The following WHRN variants were observed in gnomAD, a reference collection of about 807,000 sequenced individuals.
WHRN encodes the protein CASK-interacting protein CIP98.
Under a neutral mutation model 68.3 loss-of-function variants are expected in WHRN, and 41 were observed. The observed-to-expected ratio is 0.60, with a 90% CI of 0.47 to 0.78. The LOEUF (loss-of-function observed/expected upper bound fraction) is 0.78. Ranked by LOEUF, WHRN falls within the 30% of genes least tolerant of loss-of-function variation. WHRN has a pLI of 0.00. For missense variants in WHRN, 1,243 were observed against 1,244.7 expected (o/e 1.00, Z 0.02); for synonymous variants, 560 against 561.3 (o/e 1.00, Z 0.03).
chr9:114,447,160 C>G (rs901260701), intron 3 of WHRN, among the ~76,000 whole-genome samples: 1 of 152,134 alleles, frequency 6.6e-6, no homozygotes, highest in Non-Finnish European at 1.5e-5. Flanking sequence ...AACCTGCTAA[C>G]CAAGAGAAGT....
intron 1 of WHRN, among the ~76,000 whole-genome samples, chr9:114,492,700 T>A (rs1045520836): frequency 1.3e-5 from 2 of 152,148 alleles, no homozygotes; most frequent in Non-Finnish European, 2.9e-5. Flanking sequence ...AAAAATTAAG[T>A]CCAGGCTCAG....
chr9:114,415,619 CT>C (rs1353725166), intron 7 of WHRN, among the ~76,000 whole-genome samples: 1 of 152,210 alleles, frequency 6.6e-6, no homozygotes, highest in Non-Finnish European at 1.5e-5. Context: ...CTTCAGCCCG[CT>C]TTATCAGAGT....
chr9:114,434,376 C>T (rs1311910155), intron 3 of WHRN, among the ~76,000 whole-genome samples: 2 of 152,192 alleles, frequency 1.3e-5, no homozygotes, highest in African/African-American at 2.4e-5. Context: ...TATAACTAGG[C>T]TGTCCAACAA....
chr9:114,404,285 A>G (rs1342950378), intron 9 of WHRN, among the ~76,000 whole-genome samples: 1 of 152,160 alleles, frequency 6.6e-6, no homozygotes, highest in Non-Finnish European at 1.5e-5. Flanking sequence ...TTTCAACCAG[A>G]CCTGGTCTTG....
chr9:114,443,758 A>G (rs1186522993), intron 3 of WHRN, among the ~76,000 whole-genome samples: 1 of 152,230 alleles, frequency 6.6e-6, no homozygotes. Flanking sequence ...AGCCAAACAG[A>G]ACAGAATACC....
Position 114,496,506 on chromosome 9 carries a change from C to T in WHRN, c.618+7678G>A, listed in dbSNP as rs113327306. On this transcript the variant is annotated intron_variant, in intron 1 of 11. Coordinates refer to ENST00000362057, the MANE Select transcript of WHRN (RefSeq NM_015404.4). ...TGGGCCCTGAGTCCAGTATTTTCTT[C>T]CAATGCCACCTAAAAAAATCCAACC... Among the ~76,000 whole-genome samples, 32 of 152,244 alleles carry T rather than the reference C, an allele frequency of 2.1e-4. 1 individual carries two copies. The highest frequency in any genetic ancestry group is 7.2e-4 in the African/African-American group (30 of 41,538).
intron 1 of WHRN, among the ~76,000 whole-genome samples, chr9:114,501,317 T>C (rs1843900941): frequency 6.6e-6 from 1 of 152,208 alleles, no homozygotes; most frequent in South Asian, 2.1e-4. Flanking sequence ...TTACCTTATC[T>C]GGACCTGTCA....
chr9:114,414,126 T>C (rs999751386), intron 7 of WHRN, among the ~76,000 whole-genome samples: 23 of 152,200 alleles, frequency 1.5e-4, no homozygotes, highest in Non-Finnish European at 2.6e-4. Flanking sequence ...TTTCCTTTCA[T>C]TGCTAACAGA....
intron 2 of WHRN, among the ~76,000 whole-genome samples, chr9:114,474,186 A>G (rs998624461): frequency 6.6e-6 from 1 of 152,162 alleles, no homozygotes; most frequent in Non-Finnish European, 1.5e-5. Context: ...ACCTTCCCCC[A>G]AGGTTCATTT....
At chr9:114,447,217 C>G (rs1011140449) in intron 3 of WHRN, among the ~76,000 whole-genome samples, 1 of 152,176 alleles carries the variant, frequency 6.6e-6, no homozygotes, top group Non-Finnish European at 1.5e-5. Context: ...CAGCCCCCCT[C>G]ACCTGGACTG....
At chr9:114,410,169 C>G (rs965242795) in intron 7 of WHRN, among the ~76,000 whole-genome samples, 2 of 152,194 alleles carry the variant, frequency 1.3e-5, no homozygotes, top group African/African-American at 4.8e-5. Flanking sequence ...GCCCCACCCC[C>G]ATCCCTGTCT....
intron 3 of WHRN, among the ~76,000 whole-genome samples, chr9:114,442,250 A>T (rs1213568350): frequency 6.6e-6 from 1 of 152,206 alleles, no homozygotes; most frequent in Non-Finnish European, 1.5e-5. Flanking sequence ...ACAAGAGGAC[A>T]TTATTGGGAC....
chr9:114,404,133 C>T, intron 9 of WHRN, 56 bp from the exon 10 acceptor site: 1 of 1,564,412 alleles, frequency 6.4e-7, no homozygotes, highest in African/African-American at 1.3e-5. Context: ...TCAGGGAGGG[C>T]TGCCTGGAGG....
At chr9:114,454,134 T>C (rs1398113608) in intron 3 of WHRN, among the ~76,000 whole-genome samples, 1 of 152,244 alleles carries the variant, frequency 6.6e-6, no homozygotes, top group East Asian at 1.9e-4. Flanking sequence ...TGATGAAGAG[T>C]ATCCACAGAA....
intron 1 of WHRN, among the ~76,000 whole-genome samples, chr9:114,492,103 G>C (rs1843030403): frequency 6.6e-6 from 1 of 151,870 alleles, no homozygotes; most frequent in African/African-American, 2.4e-5. Flanking sequence ...GATAAAAATG[G>C]AAAAGAAATA....
intron 3 of WHRN, among the ~76,000 whole-genome samples, chr9:114,430,394 A>C (rs1317382089): frequency 6.6e-6 from 1 of 152,200 alleles, no homozygotes; most frequent in Non-Finnish European, 1.5e-5. Flanking sequence ...GTTTATCTGC[A>C]CTCAAATTTA....
At chr9:114,477,920 T>TA (rs1449481495) in intron 2 of WHRN, among the ~76,000 whole-genome samples, 4 of 152,136 alleles carry the variant, frequency 2.6e-5, no homozygotes, top group South Asian at 4.1e-4. Context: ...ATCTTGAAAT[T>TA]AAAGAGATGC....
chr9:114,430,641 A>G (rs1488850909), intron 3 of WHRN, among the ~76,000 whole-genome samples: 1 of 152,208 alleles, frequency 6.6e-6, no homozygotes, highest in African/African-American at 2.4e-5. Context: ...GTGAAATCCC[A>G]GGTTGGCTGT....
chr9:114,426,409 C>T lies in WHRN; in HGVS notation c.968G>A (p.Gly323Glu), dbSNP rs1378572171. 5 of 1,613,068 alleles carry T rather than the reference C, an allele frequency of 3.1e-6. No individual in the cohort carries two copies. Among genetic ancestry groups the T allele is most frequent in the Non-Finnish European group, 4.2e-6 (5 of 1,179,834 alleles). The change falls in exon 4 of 12, where the codon GGG becomes GAG. Residue 323 changes from glycine (G) to glutamate (E), a missense_variant. Gly to Glu is a moderately conservative substitution (Grantham distance 98). Coordinates refer to ENST00000362057, the MANE Select transcript of WHRN (RefSeq NM_015404.4). ...CCCATTCACTTCTAGAATCTGGTCC[C>T]CAACCTGCCAAGATCACCACACAAT... ...SEAEGSGLKV[G>E]DQILEVNGRS...
Sources: allele counts gnomAD v4.1 joint callset (sites outside exome capture counted in the v4.1 genomes callset), GRCh38; gene constraint gnomAD v4.1.1; transcripts MANE v1.5; gene names NCBI Gene and HGNC (gene_info 2026-07-23, HGNC 2026-07-21).